The following FER variants were observed in gnomAD, a reference collection of about 807,000 sequenced individuals.
The protein encoded by FER is tyrosine-protein kinase Fer.
Under a neutral mutation model 111.0 loss-of-function variants are expected in FER, and 63 were observed. That is an observed-to-expected ratio of 0.57 (90% CI 0.46 to 0.70). The LOEUF is 0.70. Ranked by LOEUF, FER falls within the 30% of genes least tolerant of loss-of-function variation. FER has a pLI of 0.00. For missense variants in FER, 914 were observed against 954.0 expected, an observed-to-expected ratio of 0.96 and a Z score of 0.55; for synonymous variants, 327 against 313.9, an observed-to-expected ratio of 1.04 and a Z score of -0.44.
chr5:108,913,165 C>T (rs1186675243), intron 10 of FER, among the ~76,000 whole-genome samples: 3 of 152,152 alleles, frequency 2.0e-5, no homozygotes, highest in Non-Finnish European at 4.4e-5. Context: ...ATACCTACTG[C>T]ATCTCTTATA....
At chr5:109,165,408 G>T (rs1482149036) in intron 17 of FER, among the ~76,000 whole-genome samples, 1 of 152,114 alleles carries the variant, frequency 6.6e-6, no homozygotes, top group African/African-American at 2.4e-5. Context: ...TCGGAGTATG[G>T]CATTTGCTGG....
intron 17 of FER, among the ~76,000 whole-genome samples, chr5:109,124,199 C>A (rs1185744818): frequency 6.6e-6 from 1 of 152,202 alleles, no homozygotes; most frequent in African/African-American, 2.4e-5. Context: ...TGCACCCCAG[C>A]CTGGGCAACA....
rs903753057 is a variant in FER at position 108,921,763 on chromosome 5, G to A, written c.1236+23915G>A. ...AAATGGGAAATAGGCTTTTAGAATG[G>A]CCCAACAACAGGTTTAAAATCAGAA... is the stretch of plus-strand genomic sequence containing the variant. On this transcript the variant is annotated intron_variant, in intron 10 of 19. Coordinates refer to ENST00000281092, the MANE Select transcript of FER (RefSeq NM_005246.4). Among the ~76,000 whole-genome samples, 8 of 152,198 alleles carry A rather than the reference G, an allele frequency of 5.3e-5. 1 individual carries two copies. Among genetic ancestry groups the A allele is most frequent in the African/African-American group, 1.9e-4 (8 of 41,518 alleles).
chr5:108,907,657 A>AAT, intron 10 of FER, among the ~76,000 whole-genome samples: 1 of 152,208 alleles, frequency 6.6e-6, no homozygotes, highest in East Asian at 1.9e-4. Context: ...TAGTAGACAG[A>AAT]GTCTCTGCAC....
chr5:108,769,582 G>A (rs1752676731), intron 2 of FER, among the ~76,000 whole-genome samples: 1 of 152,116 alleles, frequency 6.6e-6, no homozygotes, highest in Non-Finnish European at 1.5e-5. Context: ...GATAGTGATG[G>A]CCTGCATGAT....
At chr5:109,186,026 T>A (rs561760175) in intron 18 of FER, among the ~76,000 whole-genome samples, 174 bp from the exon 19 acceptor site, 2 of 152,282 alleles carry the variant, frequency 1.3e-5, no homozygotes, top group Middle Eastern at 3.4e-3. Context: ...ACCACATCAC[T>A]AGGCAATAGG....
At chr5:108,833,867 C>G (rs1760317789) in intron 4 of FER, among the ~76,000 whole-genome samples, 1 of 150,140 alleles carries the variant, frequency 6.7e-6, no homozygotes, top group African/African-American at 2.5e-5. Flanking sequence ...GAGCAAGACT[C>G]CGTCTCAAAA....
At chr5:108,979,940 G>A (rs1761837886) in intron 13 of FER, among the ~76,000 whole-genome samples, 1 of 152,024 alleles carries the variant, frequency 6.6e-6, no homozygotes, top group Non-Finnish European at 1.5e-5. Context: ...AGGATCCAGT[G>A]AATATGGGAT....
intron 13 of FER, among the ~76,000 whole-genome samples, chr5:109,031,962 A>G (rs766761580): frequency 6.6e-6 from 1 of 152,224 alleles, no homozygotes; most frequent in African/African-American, 2.4e-5. Flanking sequence ...AGTGCTAGCA[A>G]TGCTTAAGTA....
intron 10 of FER, among the ~76,000 whole-genome samples, chr5:108,923,420 G>A (rs1160125970): frequency 6.6e-6 from 1 of 152,078 alleles, no homozygotes; most frequent in African/African-American, 2.4e-5. Flanking sequence ...TGTCAGAATT[G>A]TGACCCAGGG....
chr5:109,075,105 C>T (rs913137753), intron 16 of FER, among the ~76,000 whole-genome samples: 4 of 152,166 alleles, frequency 2.6e-5, no homozygotes, highest in Admixed American at 2.6e-4. Flanking sequence ...CCCTTCTGTA[C>T]ACTTCCCCTT....
chr5:109,187,327 A>G (rs1223928393), intron 19 of FER, 106 bp from the exon 20 acceptor site: 8 of 1,165,474 alleles, frequency 6.9e-6, no homozygotes, highest in Admixed American at 4.8e-5. Flanking sequence ...TTTCCATATA[A>G]CTACAACATA....
chr5:108,928,064 A>G (rs1754034053), intron 10 of FER, among the ~76,000 whole-genome samples: 1 of 152,214 alleles, frequency 6.6e-6, no homozygotes, highest in South Asian at 2.1e-4. Flanking sequence ...CTGAAAGAGT[A>G]GGTAAAATGT....
chr5:109,077,943 CAGG>C (rs1211930121), intron 16 of FER, among the ~76,000 whole-genome samples: 2 of 151,984 alleles, frequency 1.3e-5, no homozygotes, highest in African/African-American at 2.4e-5. Context: ...CCACTTTACA[CAGG>C]AGGAAATTAT....
chr5:109,094,438 T>G (rs1005832208), intron 16 of FER, among the ~76,000 whole-genome samples: 3 of 152,142 alleles, frequency 2.0e-5, no homozygotes, highest in Non-Finnish European at 4.4e-5. Context: ...ATTTCAGATT[T>G]TCAGATTTGG....
chr5:108,816,966 T>C (rs1758341928), intron 3 of FER, among the ~76,000 whole-genome samples: 2 of 151,702 alleles, frequency 1.3e-5, no homozygotes, highest in Non-Finnish European at 2.9e-5. Context: ...TAGCTGAGCA[T>C]GGTGGCCTGG....
chr5:108,824,275 A>C (rs982084898), intron 3 of FER, among the ~76,000 whole-genome samples: 2 of 152,110 alleles, frequency 1.3e-5, no homozygotes, highest in Admixed American at 1.3e-4. Context: ...TTATGGCTCC[A>C]TAAGAAGTTT....
chr5:108,780,682 A>T (rs368204098), intron 2 of FER, among the ~76,000 whole-genome samples: 31 of 150,846 alleles, frequency 2.1e-4, no homozygotes, highest in African/African-American at 6.6e-4. Flanking sequence ...GCTGACATTG[A>T]TTTGGTGAAA....
At chr5:109,154,972 G>C (rs1755211554) in intron 17 of FER, among the ~76,000 whole-genome samples, 1 of 151,816 alleles carries the variant, frequency 6.6e-6, no homozygotes, top group Non-Finnish European at 1.5e-5. Flanking sequence ...ATCTCAAGCA[G>C]GAACTCTGAG....
Sources: allele counts gnomAD v4.1 joint callset (sites outside exome capture counted in the v4.1 genomes callset), GRCh38; gene constraint gnomAD v4.1.1; transcripts MANE v1.5; gene names NCBI Gene and HGNC (gene_info 2026-07-23, HGNC 2026-07-21).